TYW5: variants seen among roughly 807,000 people sequenced by gnomAD.
TYW5 encodes the protein tRNA-yW synthesizing protein 5.
Under a neutral mutation model 44.4 loss-of-function variants are expected in TYW5, and 36 were observed. The observed-to-expected ratio is 0.81, with a 90% CI of 0.62 to 1.07. The LOEUF (loss-of-function observed/expected upper bound fraction) is 1.07. TYW5 is among the 50% of genes least tolerant of loss of function. The pLI is 0.00. For missense variants in TYW5, 354 were observed against 365.7 expected (o/e 0.97, Z 0.26); for synonymous variants, 121 against 128.1 (o/e 0.94, Z 0.37).
chr2:199,955,184 T>C, intron 1 of TYW5: 1 of 559,036 alleles, frequency 1.8e-6, no homozygotes, highest in Non-Finnish European at 3.1e-6. Flanking sequence ...CCCAGAAACA[T>C]GGGACTTTCT....
At chr2:199,955,245 T>G (rs2077587055) in intron 1 of TYW5, 148 bp downstream of exon 1, 2 of 837,508 alleles carry the variant, frequency 2.4e-6, no homozygotes, top group Middle Eastern at 5.4e-4. Flanking sequence ...CACCTTTCCC[T>G]TGGTCTAAGG....
At chr2:199,954,656 C>G (rs1275582170) in intron 1 of TYW5, among the ~76,000 whole-genome samples, 1 of 151,764 alleles carries the variant, frequency 6.6e-6, no homozygotes, top group African/African-American at 2.4e-5. Flanking sequence ...AACTCCTGAC[C>G]TCCGGTGATC....
intron 5 of TYW5, 91 bp downstream of exon 5, chr2:199,938,842 G>T: frequency 7.5e-7 from 1 of 1,325,818 alleles, no homozygotes; most frequent in South Asian, 1.7e-5. Flanking sequence ...CAGATGTTTA[G>T]GGTAACCTAT....
intron 7 of TYW5, 44 bp downstream of exon 7, chr2:199,935,887 A>G: frequency 8.0e-7 from 1 of 1,255,284 alleles, no homozygotes; most frequent in Non-Finnish European, 1.2e-6. Context: ...GTGACAGAGT[A>G]CACATTTTAT....
At chr2:199,944,634 T>G (rs962722028) in intron 2 of TYW5, 2 of 152,116 alleles carry the variant, frequency 1.3e-5, no homozygotes, top group Admixed American at 6.6e-5. Flanking sequence ...AACAAGACAA[T>G]GAAGTCCTCA....
In TYW5 at chr2:199,948,367, C is replaced by T. The variant is rs2077518875; in HGVS notation, c.184G>A (p.Val62Ile). The change falls in exon 2 of 8, where the codon GTT becomes ATT. Residue 62 changes from valine (V) to isoleucine (I), a missense_variant. Physicochemically the swap from Val to Ile is conservative, Grantham distance 29. Coordinates refer to ENST00000354611, the MANE Select transcript of TYW5 (RefSeq NM_001039693.3). Reference sequence around the variant, plus strand: ...AAGTCCATCTGTGCAACTGCAGCAACATGAATCTTTACTTCTTTCTTCCCT... The same window carrying T: ...AAGTCCATCTGTGCAACTGCAGCAATATGAATCTTTACTTCTTTCTTCCCT... The part of the protein sequence containing the change: ...VGGKKEVKIH[V>I]AAVAQMDFIS... The T allele has an allele frequency of 6.2e-7, 1 of 1,614,158 alleles. No homozygotes were observed. Among genetic ancestry groups the T allele is most frequent in the East Asian group, 2.2e-5 (1 of 44,864 alleles).
chr2:199,948,243 A>G (rs756387660), intron 2 of TYW5, 75 bp downstream of exon 2: 4 of 1,497,514 alleles, frequency 2.7e-6, no homozygotes, highest in Non-Finnish European at 3.7e-6. Flanking sequence ...TGGTCTTTGT[A>G]TAATAATGCA....
chr2:199,951,799 A>G (rs951522781), intron 1 of TYW5, among the ~76,000 whole-genome samples: 2 of 152,006 alleles, frequency 1.3e-5, no homozygotes, highest in African/African-American at 4.8e-5. Context: ...GGCGGATCAC[A>G]AAGTCAGGAG....
chr2:199,946,661 G>A lies in TYW5; in HGVS notation c.233+1657C>T, dbSNP rs202146122. ...GGCATAAAAGCAACCTCAATTTGAAGTGATAATAATAATATACATGTGTGT... is the reference window on the plus strand; with the variant it reads ...GGCATAAAAGCAACCTCAATTTGAAATGATAATAATAATATACATGTGTGT... On this transcript the variant is annotated intron_variant, in intron 2 of 7. Transcript: ENST00000354611. 3 of 152,270 alleles carry A rather than the reference G, an allele frequency of 2.0e-5. No individual in the cohort carries two copies. The East Asian group carries it at 5.8e-4, about 29-fold the overall frequency. The allele number at this position is 152,270 out of a possible 1,614,324, so 9.4% of individuals were successfully genotyped here.
rs1259089587 is a variant in TYW5, at chr2:199,948,445, C to G, written c.106G>C (p.Asp36His). 6.2e-7 allele frequency: 1 copy of G among 1,614,070 alleles called. No individual in the cohort carries two copies. The highest frequency in any genetic ancestry group is 1.7e-5 in the Admixed American group (1 of 60,020). The change falls in exon 2 of 8, where the codon GAT (aspartate) becomes CAT (histidine). Residue 36 changes from aspartate to histidine, a missense_variant. Coordinates refer to ENST00000354611, the MANE Select transcript of TYW5 (RefSeq NM_001039693.3). ...QRKPLVLEGI[D>H]LGPCTSKWTV... The stretch of plus-strand genomic sequence containing the variant: ...CATTTGCTTGTACATGGCCCCAAAT[C>G]AATCCCTTCCAACACAAGAGGTTTT...
chr2:199,931,886 A>G lies in TYW5; in HGVS notation c.*1181T>C, dbSNP rs766764045. The G allele has an allele frequency of 5.9e-5, 9 of 152,188 alleles. No individual in the cohort carries two copies. Among genetic ancestry groups the G allele is most frequent in the Non-Finnish European group, 1.0e-4 (7 of 68,024 alleles). The allele number at this position is 152,188 out of a possible 1,614,324, so 9.4% of individuals were successfully genotyped here. A position where few individuals can be genotyped will look rare whatever the true frequency, so the allele number is the denominator to read the frequency against. On this transcript the variant is annotated 3_prime_UTR_variant, in exon 8 of 8. Coordinates refer to ENST00000354611, the MANE Select transcript of TYW5 (RefSeq NM_001039693.3). ...AAACAAAAGCAGAGATCCACACACAATGGCTCACTGTCTTCGATGACAACA... is the reference window on the plus strand; with the variant it reads ...AAACAAAAGCAGAGATCCACACACAGTGGCTCACTGTCTTCGATGACAACA...
At position 199,943,697 on chromosome 2, in the gene TYW5, T is replaced by C. The variant is rs966557884; in HGVS notation, c.303+68A>G. Reference sequence around the variant, plus strand: ...TGTTGCTCTTGTGTATCTACTATTCTTTCATAAGAAAATCCATTTAGTATA... The same window carrying C: ...TGTTGCTCTTGTGTATCTACTATTCCTTCATAAGAAAATCCATTTAGTATA... On this transcript the variant is annotated intron_variant, in intron 3 of 7. Coordinates refer to ENST00000354611, the MANE Select transcript of TYW5 (RefSeq NM_001039693.3). 9 of 1,305,762 alleles carry C rather than the reference T, an allele frequency of 6.9e-6. No homozygotes were observed. The Admixed American group carries it at 2.0e-4, about 29-fold the overall frequency. The allele number at this position is 1,305,762 out of a possible 1,614,324, so 80.9% of individuals were successfully genotyped here.
intron 5 of TYW5, 38 bp downstream of exon 5, chr2:199,938,895 T>C (rs1385128391): frequency 2.6e-6 from 4 of 1,552,250 alleles, no homozygotes; most frequent in Admixed American, 4.0e-5. Flanking sequence ...ATGCTAAAGA[T>C]CTATTGTAGC....
chr2:199,938,627 C>T (rs1038006378), intron 5 of TYW5, among the ~76,000 whole-genome samples: 7 of 152,076 alleles, frequency 4.6e-5, no homozygotes, highest in Non-Finnish European at 1.0e-4. Flanking sequence ...ACAATTTCCC[C>T]CATTATCTGG....
At chr2:199,953,930 A>G (rs2077569809) in intron 1 of TYW5, among the ~76,000 whole-genome samples, 1 of 152,214 alleles carries the variant, frequency 6.6e-6, no homozygotes, top group South Asian at 2.1e-4. Flanking sequence ...AATCTTCACA[A>G]CACTGCCCTT....
At chr2:199,949,008 C>G (rs889270461) in intron 1 of TYW5, among the ~76,000 whole-genome samples, 2 of 152,032 alleles carry the variant, frequency 1.3e-5, no homozygotes, top group African/African-American at 2.4e-5. Flanking sequence ...AGTATATTTT[C>G]TGAGAACAAA....
At chr2:199,945,227 C>T (rs530654454) in intron 2 of TYW5, 1 of 152,270 alleles carries the variant, frequency 6.6e-6, no homozygotes, top group East Asian at 1.9e-4. Flanking sequence ...TACAACTAAG[C>T]TGTAACTTGA....
intron 1 of TYW5, among the ~76,000 whole-genome samples, chr2:199,953,883 T>C (rs954405360): frequency 6.6e-6 from 1 of 152,198 alleles, no homozygotes; most frequent in Non-Finnish European, 1.5e-5. Context: ...CAAAATACCT[T>C]TTGCTATGAC....
intron 3 of TYW5, chr2:199,943,538 A>C: frequency 1.4e-5 from 6 of 425,602 alleles, no homozygotes; most frequent in Middle Eastern, 6.3e-4. Context: ...AGGTACTATT[A>C]TCACCCCCAT....
Sources: gnomAD v4.1 joint callset for allele counts (sites outside exome capture counted in the v4.1 genomes callset) on GRCh38, gnomAD v4.1.1 for gene constraint, MANE v1.5 for transcripts, NCBI Gene and HGNC (gene_info 2026-07-23, HGNC 2026-07-21) for gene names.